Variants in CAAP1 observed in about 807,000 individuals in gnomAD.
CAAP1 encodes conserved anti-apoptotic protein.
CAAP1 carries 20 observed loss-of-function variants against 34.0 expected under a neutral mutation model. The observed-to-expected ratio is 0.59, with a 90% CI of 0.41 to 0.86. The LOEUF (loss-of-function observed/expected upper bound fraction) is 0.86, where lower values mean the gene tolerates loss of function less well. Ranked by LOEUF, CAAP1 falls within the 40% of genes least tolerant of loss-of-function variation. The probability of loss-of-function intolerance (pLI) is 0.00; values close to 1 mark genes in which losing one functional copy is unlikely to be tolerated. For missense variants in CAAP1, 538 were observed against 450.5 expected, an observed-to-expected ratio of 1.19 and a Z score of -1.76; for synonymous variants, 213 against 166.7, an observed-to-expected ratio of 1.28 and a Z score of -2.14.
intron 4 of CAAP1, among the ~76,000 whole-genome samples, chr9:26,875,228 AT>A (rs1311268432): frequency 2.0e-5 from 3 of 152,152 alleles, no homozygotes; most frequent in Non-Finnish European, 4.4e-5. Flanking sequence ...CTACTAAAAA[AT>A]ACAAAAATTA....
chr9:26,884,779 T>A, intron 4 of CAAP1, 31 bp downstream of exon 4: 2 of 1,466,970 alleles, frequency 1.4e-6, no homozygotes, highest in Non-Finnish European at 1.9e-6. Flanking sequence ...CAAAGAAATT[T>A]TGAAATAAAA....
In CAAP1 at chr9:26,881,624, T is replaced by C. The variant is rs970563289; in HGVS notation, c.665+3186A>G. 3.3e-5 allele frequency among the ~76,000 whole-genome samples: 5 copies of C among 152,236 alleles called. No individual in the cohort carries two copies. The South Asian group carries it at 6.2e-4, about 19-fold the overall frequency. Reference sequence around the variant, plus strand: ...ACTGTGAGTCCAGTAAACCTCTTTTTCCTTATAAATTACCCAGTCTCAGTT... The same window carrying C: ...ACTGTGAGTCCAGTAAACCTCTTTTCCCTTATAAATTACCCAGTCTCAGTT... On this transcript the variant is annotated intron_variant, in intron 4 of 5. Transcript: ENST00000333916.
At chr9:26,880,848 G>A (rs1273809868) in intron 4 of CAAP1, among the ~76,000 whole-genome samples, 2 of 152,050 alleles carry the variant, frequency 1.3e-5, no homozygotes, top group Non-Finnish European at 2.9e-5. Context: ...GCTAATTTTT[G>A]TATTTTTAGT....
chr9:26,877,705 T>C (rs571397605), intron 4 of CAAP1, among the ~76,000 whole-genome samples: 79 of 151,552 alleles, frequency 5.2e-4, no homozygotes, highest in Non-Finnish European at 7.8e-4. Flanking sequence ...TTTCACTTAA[T>C]AAAAAAAAAT....
intron 5 of CAAP1, among the ~76,000 whole-genome samples, chr9:26,856,033 C>A (rs1403201903): frequency 6.6e-6 from 1 of 152,060 alleles, no homozygotes; most frequent in African/African-American, 2.4e-5. Flanking sequence ...CAGCTTCGAC[C>A]TCCTTCCTGG....
intron 4 of CAAP1, chr9:26,869,907 T>G (rs1231219816): frequency 1.0e-6 from 1 of 972,550 alleles, no homozygotes; most frequent in South Asian, 4.8e-5. Flanking sequence ...AGAGAAAGAG[T>G]AGAAAAAAGG....
At position 26,842,610 on chromosome 9, in the gene CAAP1, T is replaced by C; in HGVS notation, c.777A>G (p.Ala259=). The part of the protein sequence containing the change: ...GEDSDVLSIN[A]DAYDSDIEGP... ...CTTCTATGTCGCTGTCATAAGCATC[T>C]GCATTTATACTGAGTACATCACTAT... The change falls in exon 6 of 6, where the codon GCA becomes GCG. Residue 259 remains alanine (A), a synonymous_variant. Transcript: ENST00000333916. The C allele has an allele frequency of 1.2e-6, 2 of 1,613,966 alleles. No individual in the cohort carries two copies. Among genetic ancestry groups the C allele is most frequent in the Non-Finnish European group, 1.7e-6 (2 of 1,179,938 alleles).
rs938289307 is a variant in CAAP1 at position 26,889,752 on chromosome 9, C to T, written c.304-2239G>A. ...GCGTTGTGGCAGAGGCCTGTTGCCC[C>T]AGCTACTCTGGAGGCTGAGGCAGGA... On this transcript the variant is annotated intron_variant, in intron 1 of 5. Transcript: ENST00000333916. Among the ~76,000 whole-genome samples the T allele has an allele frequency of 5.3e-5, 8 of 150,974 alleles. 1 individual carries two copies. The highest frequency in any genetic ancestry group is 8.8e-5 in the Non-Finnish European group (6 of 67,890).
Position 26,841,850 on chromosome 9 carries a change from A to G in CAAP1, c.*451T>C, listed in dbSNP as rs1474274747. ...ATAAGGAATCTTCAAAATAGTATAT[A>G]TTTAAAAAGTGCATATAAGCAAAAC... On this transcript the variant is annotated 3_prime_UTR_variant, in exon 6 of 6. Transcript: ENST00000333916. The G allele has an allele frequency of 1.3e-5, 2 of 152,552 alleles. No individual in the cohort carries two copies. The highest frequency in any genetic ancestry group is 3.8e-4 in the East Asian group (2 of 5,196). 9.4% of individuals were successfully genotyped at this position (152,552 alleles called of 1,614,324 possible).
At chr9:26,859,978 A>C (rs1822967560) in intron 5 of CAAP1, among the ~76,000 whole-genome samples, 1 of 152,202 alleles carries the variant, frequency 6.6e-6, no homozygotes, top group African/African-American at 2.4e-5. Context: ...GTAATAAAAG[A>C]CCAGTTTTTA....
intron 5 of CAAP1, 100 bp downstream of exon 5, chr9:26,860,966 C>A: frequency 1.2e-6 from 1 of 822,590 alleles, no homozygotes; most frequent in Non-Finnish European, 2.1e-6. Context: ...CTTCCTCTAT[C>A]TGTAAAATGG....
At chr9:26,883,510 C>G (rs1823652481) in intron 4 of CAAP1, among the ~76,000 whole-genome samples, 1 of 152,134 alleles carries the variant, frequency 6.6e-6, no homozygotes, top group South Asian at 2.1e-4. Flanking sequence ...ACTAATACAT[C>G]ATTAAATGGC....
chr9:26,868,989 T>C (rs1333881770), intron 4 of CAAP1, among the ~76,000 whole-genome samples: 5 of 152,192 alleles, frequency 3.3e-5, no homozygotes, highest in African/African-American at 7.2e-5. Context: ...ACGTTAAGTG[T>C]TATAAAGATA....
At position 26,849,683 on chromosome 9, in the gene CAAP1, T is replaced by C. The variant is rs569506215; in HGVS notation, c.740-7036A>G. ...TGCATACATCAAAACTGTTTTTATT[T>C]CCTTTTTTTCTTTAGGTATTTTTTA... On this transcript the variant is annotated intron_variant, in intron 5 of 5. Transcript: ENST00000333916. Among the ~76,000 whole-genome samples, 8 of 150,938 alleles carry C rather than the reference T, an allele frequency of 5.3e-5. No individual in the cohort carries two copies. In the South Asian group the frequency reaches 1.7e-3, roughly 31 times the overall value.
At chr9:26,846,754 T>G (rs1822619707) in intron 5 of CAAP1, among the ~76,000 whole-genome samples, 2 of 152,050 alleles carry the variant, frequency 1.3e-5, no homozygotes, top group African/African-American at 4.8e-5. Context: ...ATGATGCGAT[T>G]TCAGCTCACC....
Position 26,848,456 on chromosome 9 carries a change from C to CA in CAAP1, c.740-5810dup, listed in dbSNP as rs1390139066. On this transcript the variant is annotated intron_variant, in intron 5 of 5. Coordinates refer to ENST00000333916, the MANE Select transcript of CAAP1 (RefSeq NM_024828.4). ...GCGTGAACCCGGGAGGCGGAGCTTG[C>CA]AGTGAGCCAAGATTACACCACTGCA... Among the ~76,000 whole-genome samples the CA allele has an allele frequency of 2.6e-5, 4 of 152,164 alleles. No individual in the cohort carries two copies. In the East Asian group the frequency reaches 7.8e-4, roughly 30 times the overall value.
intron 4 of CAAP1, among the ~76,000 whole-genome samples, chr9:26,862,351 G>A (rs1228328203): frequency 1.3e-5 from 2 of 151,296 alleles, no homozygotes; most frequent in East Asian, 1.9e-4. Flanking sequence ...TAGAGAAAAC[G>A]TTTGCTTTCA....
At chr9:26,885,517 A>G (rs1823717442) in intron 3 of CAAP1, among the ~76,000 whole-genome samples, 1 of 152,146 alleles carries the variant, frequency 6.6e-6, no homozygotes, top group Non-Finnish European at 1.5e-5. Context: ...TGAAGCTATC[A>G]CTGGAAACTG....
chr9:26,892,321 T>G lies in CAAP1; in HGVS notation c.303+92A>C, dbSNP rs536839798. 1.0e-5 allele frequency: 16 copies of G among 1,552,162 alleles called. No individual in the cohort carries two copies. In the Admixed American group the frequency reaches 1.9e-4, roughly 18 times the overall value. On this transcript the variant is annotated intron_variant, in intron 1 of 5. Coordinates refer to ENST00000333916, the MANE Select transcript of CAAP1 (RefSeq NM_024828.4). ...GACCTTGAGATTGCCGCGCTAGCAG[T>G]GAGCTCCAGCCTGCGCCCCATCCCT... is the stretch of plus-strand genomic sequence containing the variant.
Sources: gnomAD v4.1 joint callset for allele counts (sites outside exome capture counted in the v4.1 genomes callset) on GRCh38, gnomAD v4.1.1 for gene constraint, MANE v1.5 for transcripts, NCBI Gene and HGNC (gene_info 2026-07-23, HGNC 2026-07-21) for gene names.